Variants in NXN observed in about 807,000 individuals in gnomAD.
NXN encodes nucleoredoxin.
NXN carries 16 observed loss-of-function variants against 48.6 expected under a neutral mutation model. The ratio of observed to expected loss-of-function variants is 0.33; its 90% confidence interval spans 0.22 to 0.50. The LOEUF (loss-of-function observed/expected upper bound fraction) is 0.50, where lower values mean the gene tolerates loss of function less well. Ranked by LOEUF, NXN falls within the 20% of genes least tolerant of loss-of-function variation. The probability of loss-of-function intolerance (pLI) is 0.98; values close to 1 mark genes in which losing one functional copy is unlikely to be tolerated. For synonymous variants in NXN, 281 were observed against 269.6 expected (o/e 1.04, Z -0.41); for missense variants, 492 against 605.5 (o/e 0.81, Z 1.97).
intron 1 of NXN, among the ~76,000 whole-genome samples, chr17:976,611 A>ATGAG (rs2069461625): frequency 6.6e-6 from 1 of 152,178 alleles, no homozygotes; most frequent in Admixed American, 6.5e-5. Flanking sequence ...CAGTGCCCTC[A>ATGAG]GCTGGGAGAA....
chr17:868,834 C>T (rs1465072598), intron 1 of NXN, among the ~76,000 whole-genome samples: 4 of 152,170 alleles, frequency 2.6e-5, no homozygotes, highest in South Asian at 4.1e-4. Context: ...GTGCCAGCAC[C>T]GACCCTGGGC....
chr17:968,839 A>C (rs1191702137), intron 1 of NXN, among the ~76,000 whole-genome samples: 2 of 152,116 alleles, frequency 1.3e-5, no homozygotes, highest in East Asian at 3.9e-4. Flanking sequence ...CAGGAGGCTG[A>C]GGCAGGAGTA....
chr17:831,129 A>T (rs1266048214), intron 1 of NXN, among the ~76,000 whole-genome samples: 1 of 152,170 alleles, frequency 6.6e-6, no homozygotes, highest in Non-Finnish European at 1.5e-5. Context: ...CACAAATGGA[A>T]AAGGGCCAGG....
intron 1 of NXN, among the ~76,000 whole-genome samples, chr17:893,358 A>T (rs964311851): frequency 6.6e-6 from 1 of 152,244 alleles, no homozygotes; most frequent in Non-Finnish European, 1.5e-5. Context: ...CTGGAGACAG[A>T]GGCCTAATCC....
intron 5 of NXN, among the ~76,000 whole-genome samples, chr17:808,452 A>G (rs536119931): frequency 5.5e-4 from 84 of 151,438 alleles, no homozygotes; most frequent in African/African-American, 1.7e-3. Flanking sequence ...ACAGGTACAC[A>G]CCACCACACC....
At chr17:928,240 T>C (rs1317789141) in intron 1 of NXN, among the ~76,000 whole-genome samples, 4 of 152,086 alleles carry the variant, frequency 2.6e-5, no homozygotes, top group Non-Finnish European at 4.4e-5. Flanking sequence ...CACCACCTCT[T>C]TAAAAAGCGA....
At chr17:847,512 C>T (rs1480586318) in intron 1 of NXN, among the ~76,000 whole-genome samples, 1 of 152,184 alleles carries the variant, frequency 6.6e-6, no homozygotes, top group African/African-American at 2.4e-5. Context: ...GGTAATGTCA[C>T]CTCACTGGGA....
rs577644950 is a variant in NXN, at chr17:919,915, C to A, written c.360+59404G>T. On this transcript the variant is annotated intron_variant, in intron 1 of 7. Transcript: ENST00000336868. The surrounding 1 kb of genome is among the most constrained non-coding windows in gnomAD (Gnocchi z 5.1). ...GTATTCACTAACCCCCAGGCCATGGCGGAAAATGTACCTTCCATCTCTCTC... is the reference window on the plus strand; with the variant it reads ...GTATTCACTAACCCCCAGGCCATGGAGGAAAATGTACCTTCCATCTCTCTC... Among the ~76,000 whole-genome samples, 1 of 152,230 alleles carries A rather than the reference C, an allele frequency of 6.6e-6. No individual in the cohort carries two copies. The highest frequency in any genetic ancestry group is 1.9e-4 in the East Asian group (1 of 5,178).
chr17:957,245 C>G (rs778427699), intron 1 of NXN, among the ~76,000 whole-genome samples: 1 of 151,934 alleles, frequency 6.6e-6, no homozygotes, highest in Admixed American at 6.6e-5. Context: ...AACACTACGC[C>G]GTGTGGAAAA....
At chr17:929,485 C>T (rs761245950) in intron 1 of NXN, among the ~76,000 whole-genome samples, 25 of 152,316 alleles carry the variant, frequency 1.6e-4, no homozygotes, top group South Asian at 1.2e-3. Flanking sequence ...TGAAGAACAT[C>T]CCAGTTTTCC....
At position 823,674 on chromosome 17, in the gene NXN, G is replaced by A; in HGVS notation, c.570C>T (p.Ser190=). The A allele has an allele frequency of 1.2e-6, 2 of 1,614,118 alleles. No homozygotes were observed. The highest frequency in any genetic ancestry group is 1.7e-6 in the Non-Finnish European group (2 of 1,180,024). The part of the protein sequence containing the change: ...RNNGQSLESS[S]LEGSHVGVYF... Reference sequence around the variant, plus strand: ...AGACGCCCACGTGAGACCCCTCCAGGCTGCTGCTCTCCAGAGACTGCCCAT... The same window carrying A: ...AGACGCCCACGTGAGACCCCTCCAGACTGCTGCTCTCCAGAGACTGCCCAT... The change falls in exon 3 of 8, where the codon AGC becomes AGT. Residue 190 remains serine, a synonymous_variant. Coordinates refer to ENST00000336868, the MANE Select transcript of NXN (RefSeq NM_022463.5).
At chr17:927,240 C>CA (rs2068809497) in intron 1 of NXN, among the ~76,000 whole-genome samples, 1 of 150,984 alleles carries the variant, frequency 6.6e-6, no homozygotes, top group Non-Finnish European at 1.5e-5. Flanking sequence ...GAGATTGTGC[C>CA]ACTACACTCC....
intron 1 of NXN, among the ~76,000 whole-genome samples, chr17:837,182 G>GC (rs991764174): frequency 6.6e-6 from 1 of 152,006 alleles, no homozygotes; most frequent in Admixed American, 6.6e-5. Flanking sequence ...CTCGCTATGT[G>GC]CCCCAGGCTG....
In NXN at chr17:958,938, GAAAC is replaced by G. The variant is rs895224451; in HGVS notation, c.360+20377_360+20380del. ...CAGCCTGAGACTTGTCTTTAAAAAA[GAAAC>G]ACACACACACACATACACACACACA... On this transcript the variant is annotated intron_variant, in intron 1 of 7. Transcript: ENST00000336868. This position sits in a 1 kb window ranked among gnomAD's most constrained non-coding sequence, Gnocchi z 6.9. 46 of 154,918 alleles carry G rather than the reference GAAAC, an allele frequency of 3.0e-4. No homozygotes were observed. The highest frequency in any genetic ancestry group is 1.1e-3 in the African/African-American group (44 of 39,324). The allele number at this position is 154,918 out of a possible 1,614,324, so 9.6% of individuals were successfully genotyped here. A position where few individuals can be genotyped will look rare whatever the true frequency, so the allele number is the denominator to read the frequency against.
In NXN at chr17:956,570, C is replaced by T. The variant is rs551569347; in HGVS notation, c.360+22749G>A. ...CTGGGACTACAGGCGCCCGCCACCA[C>T]GTCCGGCTAATTTTTTGTATTTTTA... On this transcript the variant is annotated intron_variant, in intron 1 of 7. Coordinates refer to ENST00000336868, the MANE Select transcript of NXN (RefSeq NM_022463.5). This position sits in a 1 kb window ranked among gnomAD's most constrained non-coding sequence, Gnocchi z 4.1. Among the ~76,000 whole-genome samples the T allele has an allele frequency of 3.0e-4, 46 of 152,216 alleles. No homozygotes were observed. The highest frequency in any genetic ancestry group is 6.8e-3 in the Middle Eastern group (2 of 294).
At chr17:959,735 A>G (rs1326456496) in intron 1 of NXN, among the ~76,000 whole-genome samples, 1 of 151,104 alleles carries the variant, frequency 6.6e-6, no homozygotes, top group Non-Finnish European at 1.5e-5. Flanking sequence ...TGAAGGTTGC[A>G]GTGATCTTAG....
intron 1 of NXN, among the ~76,000 whole-genome samples, chr17:927,727 C>A (rs117588866): frequency 6.6e-6 from 1 of 152,054 alleles, no homozygotes; most frequent in East Asian, 1.9e-4. Context: ...CCGTGGGAGA[C>A]GGCATAACCA....
chr17:892,037 A>G (rs1261695766), intron 1 of NXN, among the ~76,000 whole-genome samples: 16 of 147,958 alleles, frequency 1.1e-4, no homozygotes, highest in African/African-American at 4.1e-4. Flanking sequence ...CACCATGCAC[A>G]ACCCAACAGG....
At position 917,101 on chromosome 17, in the gene NXN, A is replaced by G. The variant is rs1281917167; in HGVS notation, c.360+62218T>C. Among the ~76,000 whole-genome samples the G allele has an allele frequency of 6.6e-6, 1 of 152,080 alleles. No individual in the cohort carries two copies. The highest frequency in any genetic ancestry group is 1.5e-5 in the Non-Finnish European group (1 of 68,028). ...AAATCAAACATCCGCTTTGCCTCCA[A>G]CAAGATTCCCTGTTCCTAAGTGAAC... On this transcript the variant is annotated intron_variant, in intron 1 of 7. Coordinates refer to ENST00000336868, the MANE Select transcript of NXN (RefSeq NM_022463.5). This position sits in a 1 kb window ranked among gnomAD's most constrained non-coding sequence, Gnocchi z 4.5.
Sources: gnomAD v4.1 joint callset for allele counts (sites outside exome capture counted in the v4.1 genomes callset) on GRCh38, gnomAD v4.1.1 for gene constraint, Gnocchi (gnomAD v3.1) non-coding constraint, MANE v1.5 for transcripts, NCBI Gene and HGNC (gene_info 2026-07-23, HGNC 2026-07-21) for gene names.